The following LMO7 variants were observed in gnomAD, a reference collection of about 807,000 sequenced individuals.
LMO7 encodes the protein LIM domain only protein 7.
A neutral mutation model predicts 206.5 loss-of-function variants in LMO7; 120 were observed. That is an observed-to-expected ratio of 0.58 (90% confidence interval 0.50 to 0.68). LMO7 has a LOEUF of 0.68. LMO7 is among the 30% of genes least tolerant of loss of function. LMO7 has a pLI of 0.00. For synonymous variants in LMO7, 706 were observed against 681.5 expected (o/e 1.04, Z -0.56); for missense variants, 1,959 against 1,957.9 (o/e 1.00, Z -0.01).
At chr13:75,658,880 C>T (rs2038308468) in intron 1 of LMO7, among the ~76,000 whole-genome samples, 2 of 152,180 alleles carry the variant, frequency 1.3e-5, no homozygotes, top group Non-Finnish European at 2.9e-5. Context: ...TGAGCCACCA[C>T]ACCCAGCTTT....
At chr13:75,808,591 A>C (rs572879458) in intron 10 of LMO7, among the ~76,000 whole-genome samples, 10 of 151,506 alleles carry the variant, frequency 6.6e-5, no homozygotes, top group African/African-American at 2.4e-4. Context: ...TGGGGGGGTG[A>C]AATTTTCCCT....
At chr13:75,713,393 A>T in intron 2 of LMO7, 141 bp downstream of exon 2, 1 of 527,348 alleles carries the variant, frequency 1.9e-6, no homozygotes, top group Non-Finnish European at 3.4e-6. Flanking sequence ...ATCCCTGCAA[A>T]TTGATACCTC....
chr13:75,718,781 T>C (rs1054394845), intron 2 of LMO7, among the ~76,000 whole-genome samples: 1 of 152,202 alleles, frequency 6.6e-6, no homozygotes, highest in African/African-American at 2.4e-5. Flanking sequence ...AGAAATCCTC[T>C]GTGCTCCTCC....
chr13:75,723,351 T>C (rs1000091603), intron 2 of LMO7, among the ~76,000 whole-genome samples: 6 of 120,544 alleles, frequency 5.0e-5, no homozygotes, highest in Middle Eastern at 3.6e-3. Flanking sequence ...AATATTCATG[T>C]GTGAATGACT....
At chr13:75,727,156 G>T (rs1234055001) in intron 3 of LMO7, 58 bp downstream of exon 3, 30 of 1,109,256 alleles carry the variant, frequency 2.7e-5, no homozygotes, top group Non-Finnish European at 1.3e-5. Flanking sequence ...GTAAAGAGGT[G>T]GGCATAGGCA....
intron 1 of LMO7, among the ~76,000 whole-genome samples, chr13:75,710,683 T>C (rs1236623662): frequency 6.6e-6 from 1 of 152,022 alleles, no homozygotes; most frequent in African/African-American, 2.4e-5. Flanking sequence ...GCCTATCAGC[T>C]TAAGGAGATT....
At chr13:75,624,455 A>G (rs1033265637) in intron 2 of LMO7, among the ~76,000 whole-genome samples, 2 of 152,138 alleles carry the variant, frequency 1.3e-5, no homozygotes, top group Non-Finnish European at 2.9e-5. Flanking sequence ...CTTTAAGAAT[A>G]TTTTACTCAC....
At chr13:75,756,407 G>C (rs545677492) in intron 3 of LMO7, among the ~76,000 whole-genome samples, 1 of 152,210 alleles carries the variant, frequency 6.6e-6, no homozygotes, top group East Asian at 1.9e-4. Flanking sequence ...CTATGGGTAG[G>C]GTAAAGAAGT....
intron 1 of LMO7, among the ~76,000 whole-genome samples, chr13:75,682,631 A>G (rs1386369599): frequency 1.3e-5 from 2 of 152,096 alleles, no homozygotes; most frequent in Non-Finnish European, 2.9e-5. Flanking sequence ...GTCTTTATTT[A>G]TTTATTTATG....
At chr13:75,758,959 T>G (rs2047918618) in intron 3 of LMO7, among the ~76,000 whole-genome samples, 1 of 152,172 alleles carries the variant, frequency 6.6e-6, no homozygotes. Flanking sequence ...AAGAACTGCC[T>G]GAGACTGGGT....
chr13:75,852,356 GT>G (rs879529505), intron 27 of LMO7, among the ~76,000 whole-genome samples: 61 of 152,198 alleles, frequency 4.0e-4, no homozygotes, highest in African/African-American at 1.4e-3. Flanking sequence ...AGTGTGGGAG[GT>G]TGAGGATCGA....
intron 1 of LMO7, among the ~76,000 whole-genome samples, chr13:75,668,759 T>C (rs747661707): frequency 2.6e-5 from 4 of 152,186 alleles, no homozygotes; most frequent in Non-Finnish European, 5.9e-5. Flanking sequence ...AATTGTGATA[T>C]TGACTTGACA....
At chr13:75,770,358 G>C (rs2049468613) in intron 4 of LMO7, among the ~76,000 whole-genome samples, 1 of 151,986 alleles carries the variant, frequency 6.6e-6, no homozygotes, top group Non-Finnish European at 1.5e-5. Flanking sequence ...AGTTTGGCTA[G>C]AGCCTCACAT....
At chr13:75,634,660 G>A (rs1232147261), upstream of LMO7, among the ~76,000 whole-genome samples, 13 of 150,084 alleles carry the variant, frequency 8.7e-5, no homozygotes, top group Admixed American at 8.7e-4. Flanking sequence ...GGAGAATGGC[G>A]TGGACCCGGG....
intron 2 of LMO7, among the ~76,000 whole-genome samples, chr13:75,625,473 G>A (rs2033927191): frequency 6.6e-6 from 1 of 151,472 alleles, no homozygotes; most frequent in African/African-American, 2.4e-5. Context: ...ATGTGTGTGT[G>A]TGGTTTTGAT....
chr13:75,740,741 T>G (rs1270201178), intron 3 of LMO7, among the ~76,000 whole-genome samples: 2 of 152,186 alleles, frequency 1.3e-5, no homozygotes, highest in East Asian at 3.9e-4. Context: ...GGTACTGGGC[T>G]GATTCTGGCT....
Position 75,646,508 on chromosome 13 carries a change from C to T in LMO7, c.69+9782C>T, listed in dbSNP as rs150136217. Among the ~76,000 whole-genome samples, 37 of 152,290 alleles carry T rather than the reference C, an allele frequency of 2.4e-4. No homozygotes were observed. The East Asian group carries it at 6.0e-3, about 25-fold the overall frequency. Reference sequence around the variant, plus strand: ...TCCCGGCTTGCCTATCTCATCTCCACCCCCACTCTTCGACTTGCTTACTGT... The same window carrying T: ...TCCCGGCTTGCCTATCTCATCTCCATCCCCACTCTTCGACTTGCTTACTGT... On this transcript the variant is annotated intron_variant, in intron 1 of 30. Coordinates refer to ENST00000377534, the MANE Select transcript of LMO7 (RefSeq NM_001306080.2).
intron 8 of LMO7, 128 bp downstream of exon 8, chr13:75,804,669 A>C: frequency 8.3e-7 from 1 of 1,199,570 alleles, no homozygotes; most frequent in Non-Finnish European, 1.1e-6. Flanking sequence ...TAGTGAGAAT[A>C]TTTTTCATCC....
chr13:75,782,272 A>G (rs1486984614), intron 4 of LMO7, among the ~76,000 whole-genome samples: 1 of 152,204 alleles, frequency 6.6e-6, no homozygotes, highest in South Asian at 2.1e-4. Context: ...GATGAGGATT[A>G]AAAGGGAGAA....
Sources: allele counts gnomAD v4.1 joint callset (sites outside exome capture counted in the v4.1 genomes callset), GRCh38; gene constraint gnomAD v4.1.1; transcripts MANE v1.5; gene names NCBI Gene and HGNC (gene_info 2026-07-23, HGNC 2026-07-21).